MYO18B: variants seen among roughly 807,000 people sequenced by gnomAD.
The protein encoded by MYO18B is unconventional myosin-XVIIIb.
Under a neutral mutation model 273.0 loss-of-function variants are expected in MYO18B, and 204 were observed. The observed-to-expected ratio is 0.75, with a 90% CI of 0.67 to 0.84. The LOEUF (loss-of-function observed/expected upper bound fraction) is 0.84. Among genes scored for constraint, MYO18B ranks in the 40% least tolerant of loss-of-function variants. The pLI, the probability that MYO18B is intolerant of heterozygous loss-of-function variation, is 0.00. For missense variants in MYO18B, 3,212 were observed against 3,287.6 expected (o/e 0.98, Z 0.56); for synonymous variants, 1,330 against 1,305.7 (o/e 1.02, Z -0.40).
In MYO18B at chr22:25,903,722, A is replaced by T. The variant is rs773946217; in HGVS notation, c.5039A>T (p.Glu1680Val). Residue 1680 changes from glutamate to valine, a missense_variant, in exon 31 of 44, where the codon GAA (glutamate) becomes GTA (valine). Physicochemically the swap from Glu to Val is moderately radical, Grantham distance 121. Transcript: ENST00000335473. ...RELLGSPSLG[E>V]NCVAGLKERL... is the part of the protein sequence containing the mutation. ...CTGCTGGGGTCACCCTCTCTGGGGGAAAATTGCGTTGCTGGCTTGAAGGAG... is the reference window on the plus strand; with the variant it reads ...CTGCTGGGGTCACCCTCTCTGGGGGTAAATTGCGTTGCTGGCTTGAAGGAG... 13 of 1,607,794 alleles carry T rather than the reference A, an allele frequency of 8.1e-6. No individual in the cohort carries two copies. In the African/African-American group the frequency reaches 1.6e-4, roughly 20 times the overall value.
chr22:25,806,125 G>A (rs1253257779), intron 12 of MYO18B, among the ~76,000 whole-genome samples: 2 of 152,182 alleles, frequency 1.3e-5, no homozygotes, highest in African/African-American at 4.8e-5. Context: ...TATTTACTGA[G>A]CCATGTGACT....
At chr22:25,773,632 T>G (rs1442158201) in intron 7 of MYO18B, among the ~76,000 whole-genome samples, 1 of 151,924 alleles carries the variant, frequency 6.6e-6, no homozygotes, top group Non-Finnish European at 1.5e-5. Context: ...CCCAGCTAAT[T>G]TTTTGTATTT....
chr22:25,909,286 G>A (rs1350303768), intron 32 of MYO18B, among the ~76,000 whole-genome samples: 2 of 151,994 alleles, frequency 1.3e-5, no homozygotes, highest in African/African-American at 2.4e-5. Context: ...CTCCCTTCTC[G>A]TCCCCTGAAT....
At chr22:25,946,897 G>T (rs1256624089) in intron 35 of MYO18B, among the ~76,000 whole-genome samples, 3 of 152,284 alleles carry the variant, frequency 2.0e-5, no homozygotes, top group African/African-American at 7.2e-5. Flanking sequence ...CCCCTGAATG[G>T]GGACACATGG....
Position 25,867,927 on chromosome 22 carries a change from G to A in MYO18B, c.3886-393G>A, listed in dbSNP as rs138616079. On this transcript the variant is annotated intron_variant, in intron 21 of 43. Coordinates refer to ENST00000335473, the MANE Select transcript of MYO18B (RefSeq NM_032608.7). Reference sequence around the variant, plus strand: ...ATAACAGCCGTGAGCCACCGCGCCCGGCCAAGACTCTGATTTCAGTTCATT... The same window carrying A: ...ATAACAGCCGTGAGCCACCGCGCCCAGCCAAGACTCTGATTTCAGTTCATT... Among the ~76,000 whole-genome samples the A allele has an allele frequency of 4.4e-3, 663 of 152,232 alleles. 6 individuals are homozygous for A. Among genetic ancestry groups the A allele is most frequent in the African/African-American group, 0.014 (597 of 41,538 alleles).
chr22:25,910,464 G>C (rs980384384), intron 32 of MYO18B, among the ~76,000 whole-genome samples: 14 of 152,152 alleles, frequency 9.2e-5, no homozygotes, highest in Admixed American at 2.6e-4. Context: ...CTGAGGGTTA[G>C]GGTTTCACCA....
At chr22:25,822,399 C>T (rs954237005) in intron 12 of MYO18B, among the ~76,000 whole-genome samples, 1 of 152,194 alleles carries the variant, frequency 6.6e-6, no homozygotes, top group African/African-American at 2.4e-5. Context: ...TGGCAGAGGG[C>T]AGAGGGAACT....
chr22:26,017,044 CCTTCCTTCCT>C (rs1935396917), intron 42 of MYO18B, among the ~76,000 whole-genome samples: 1 of 146,158 alleles, frequency 6.8e-6, no homozygotes, highest in Non-Finnish European at 1.5e-5. Context: ...TTCCTTCCTT[CCTTCCTTCCT>C]TCCTTCCTTC....
the MYO18B span, among the ~76,000 whole-genome samples, chr22:26,053,271 A>G: frequency 6.6e-6 from 1 of 152,176 alleles, no homozygotes; most frequent in Non-Finnish European, 1.5e-5. Context: ...AACCATCCTC[A>G]TCATCACTGC....
At chr22:25,757,720 A>G (rs1358360109) in intron 1 of MYO18B, among the ~76,000 whole-genome samples, 3 of 152,236 alleles carry the variant, frequency 2.0e-5, no homozygotes, top group African/African-American at 7.2e-5. Context: ...CCAGAGCTAG[A>G]AGTGAGAAAA....
intron 17 of MYO18B, among the ~76,000 whole-genome samples, chr22:25,843,191 C>T (rs1055549795): frequency 2.0e-5 from 3 of 152,116 alleles, no homozygotes; most frequent in Non-Finnish European, 4.4e-5. Flanking sequence ...TTTTCTCCCA[C>T]CCTGTCTCTT....
In MYO18B at chr22:26,003,229, C is replaced by G. The variant is rs375455701; in HGVS notation, c.6288-36C>G. The G allele has an allele frequency of 6.3e-6, 10 of 1,585,042 alleles. No individual in the cohort carries two copies. In the East Asian group the frequency reaches 1.6e-4, roughly 25 times the overall value. ...CCATGCTTCCAAGCCCCTGGCAGCACGAGGATAACACACTCTTTCTTGTGC... is the reference window on the plus strand; with the variant it reads ...CCATGCTTCCAAGCCCCTGGCAGCAGGAGGATAACACACTCTTTCTTGTGC... On this transcript the variant is annotated intron_variant, in intron 40 of 43. Transcript: ENST00000335473.
chr22:25,784,469 A>G (rs1337507420), intron 10 of MYO18B, among the ~76,000 whole-genome samples: 1 of 152,240 alleles, frequency 6.6e-6, no homozygotes, highest in South Asian at 2.1e-4. Context: ...TGTCTGCCAC[A>G]TGGCAGCACT....
At chr22:25,896,123 T>C (rs909379092) in intron 28 of MYO18B, 1 of 152,178 alleles carries the variant, frequency 6.6e-6, no homozygotes, top group East Asian at 1.9e-4. Flanking sequence ...CTTGAGATAA[T>C]GCTAAATTCT....
At chr22:25,868,439 A>T (rs1008734453) in intron 22 of MYO18B, 54 bp downstream of exon 22, 1 of 1,428,468 alleles carries the variant, frequency 7.0e-7, no homozygotes, top group South Asian at 1.2e-5. Flanking sequence ...GGACCCAGAG[A>T]TGACCTGATT....
chr22:25,884,387 G>A (rs1200835152), intron 25 of MYO18B, among the ~76,000 whole-genome samples: 1 of 152,176 alleles, frequency 6.6e-6, no homozygotes, highest in Non-Finnish European at 1.5e-5. Flanking sequence ...GAACTGGACT[G>A]GTAGCTCCCT....
chr22:25,904,794 A>G (rs1366475942), intron 31 of MYO18B, among the ~76,000 whole-genome samples: 1 of 152,210 alleles, frequency 6.6e-6, no homozygotes, highest in Admixed American at 6.5e-5. Context: ...ACAAAAGTAC[A>G]AAATAAAATA....
chr22:26,043,038 C>T, the MYO18B span, among the ~76,000 whole-genome samples: 1 of 152,164 alleles, frequency 6.6e-6, no homozygotes, highest in Non-Finnish European at 1.5e-5. Flanking sequence ...AGAAAGTTCC[C>T]TCATGTCTCT....
At chr22:25,912,235 C>T (rs1569182678) in intron 33 of MYO18B, among the ~76,000 whole-genome samples, 1 of 152,172 alleles carries the variant, frequency 6.6e-6, no homozygotes, top group African/African-American at 2.4e-5. Context: ...ATATAATCTT[C>T]CTTCTTCTCT....
Sources: gnomAD v4.1 joint callset for allele counts (sites outside exome capture counted in the v4.1 genomes callset) on GRCh38, gnomAD v4.1.1 for gene constraint, MANE v1.5 for transcripts, NCBI Gene and HGNC (gene_info 2026-07-23, HGNC 2026-07-21) for gene names.